The following PKHD1L1 variants were observed in gnomAD, a reference collection of about 807,000 sequenced individuals.
PKHD1L1 encodes the protein fibrocystin-L.
A neutral mutation model predicts 462.9 loss-of-function variants in PKHD1L1; 434 were observed. The observed-to-expected ratio is 0.94, with a 90% CI of 0.87 to 1.02. The LOEUF is 1.02. Among genes scored for constraint, PKHD1L1 ranks in the 50% least tolerant of loss-of-function variants. PKHD1L1 has a pLI of 0.00. For missense variants in PKHD1L1, 5,202 were observed against 5,096.1 expected (o/e 1.02, Z -0.63); for synonymous variants, 1,781 against 1,750.0 (o/e 1.02, Z -0.44).
Position 109,470,482 on chromosome 8 carries a change from G to A in PKHD1L1, c.8605+3713G>A, listed in dbSNP as rs537256078. On this transcript the variant is annotated intron_variant, in intron 50 of 77. Coordinates refer to ENST00000378402, the MANE Select transcript of PKHD1L1 (RefSeq NM_177531.6). ...GGTTAAAGCCCAGATAGCGCTAGAGGAAGCATCACAGCAACTGGCTGGAAA... is the reference window on the plus strand; with the variant it reads ...GGTTAAAGCCCAGATAGCGCTAGAGAAAGCATCACAGCAACTGGCTGGAAA... The A allele has an allele frequency of 1.8e-4, 291 of 1,609,552 alleles. No individual in the cohort carries two copies. In the Middle Eastern group the frequency reaches 2.0e-3, roughly 11 times the overall value.
rs770896466 is a variant in PKHD1L1 at position 109,475,121 on chromosome 8, C to G, written c.8609C>G (p.Thr2870Arg). ...KDVVLSDSFG[T>R]SIIPFQKKRL... ...CTTGTTCTATGTTCTCCTATAGGCA[C>G]AAGCATTATTCCATTTCAGAAGAAA... Residue 2870 changes from threonine (T) to arginine (R), a missense_variant, in exon 51 of 78, where the codon ACA becomes AGA. By Grantham distance (71) the Thr-to-Arg change is moderately conservative. Around this residue, in one of 3 missense-constraint regions of PKHD1L1, gnomAD observed 4,497 missense variants for 4,336.8 expected, o/e 1.04. Transcript: ENST00000378402. 5 of 1,607,074 alleles carry G rather than the reference C, an allele frequency of 3.1e-6. No homozygotes were observed. The highest frequency in any genetic ancestry group is 4.2e-6 in the Non-Finnish European group (5 of 1,177,244).
At chr8:109,470,769 T>C in intron 50 of PKHD1L1, 1 of 1,534,782 alleles carries the variant, frequency 6.5e-7, no homozygotes, top group Non-Finnish European at 8.9e-7. Context: ...GGGAGGACTG[T>C]TTTTTCATAA....
At chr8:109,434,914 C>A (rs1179677090) in intron 28 of PKHD1L1, among the ~76,000 whole-genome samples, 2 of 151,932 alleles carry the variant, frequency 1.3e-5, no homozygotes, top group South Asian at 2.1e-4. Context: ...TGACAATAGT[C>A]TGTTTTGGGT....
In PKHD1L1 at chr8:109,464,589, A is replaced by C. The variant is rs1206818371; in HGVS notation, c.7757A>C (p.Tyr2586Ser). The C allele has an allele frequency of 6.2e-7, 1 of 1,613,004 alleles. No homozygotes were observed. Residue 2586 changes from tyrosine (Y) to serine (S), a missense_variant, in exon 49 of 78, where the codon TAC becomes TCC. Tyr to Ser is a moderately radical substitution (Grantham distance 144, BLOSUM62 -2). Transcript: ENST00000378402. ...VAGGTHFGFW[Y>S]RMNNHPDGPS... ...GGTGGCACTCACTTTGGCTTTTGGT[A>C]CCGGATGAACAACCACCCTGATGGG... is the stretch of plus-strand genomic sequence containing the variant.
rs1821030846 is a variant in PKHD1L1, at chr8:109,531,086, C to T, written c.*996C>T. Among the ~76,000 whole-genome samples, 1 of 152,144 alleles carries T rather than the reference C, an allele frequency of 6.6e-6. No individual in the cohort carries two copies. The highest frequency in any genetic ancestry group is 2.4e-5 in the African/African-American group (1 of 41,428). On this transcript the variant is annotated 3_prime_UTR_variant, in exon 78 of 78. Transcript: ENST00000378402. ...GAACTCCTAATAAAGACATTGTAGCCAGATCCAGAGCCTTCCAGCAAGTGA... is the reference window on the plus strand; with the variant it reads ...GAACTCCTAATAAAGACATTGTAGCTAGATCCAGAGCCTTCCAGCAAGTGA...
intron 48 of PKHD1L1, among the ~76,000 whole-genome samples, chr8:109,462,390 T>C (rs1040359278): frequency 1.3e-5 from 2 of 152,226 alleles, no homozygotes; most frequent in South Asian, 4.1e-4. Context: ...GTCCATCCCA[T>C]AGGAATCATG....
intron 5 of PKHD1L1, among the ~76,000 whole-genome samples, chr8:109,385,019 TTC>T (rs1812363458): frequency 6.6e-6 from 1 of 151,992 alleles, no homozygotes; most frequent in East Asian, 1.9e-4. Context: ...TTAATGATTT[TTC>T]TGTCATCAGA....
intron 67 of PKHD1L1, among the ~76,000 whole-genome samples, chr8:109,502,911 T>A (rs556517155): frequency 5.1e-4 from 78 of 152,308 alleles, no homozygotes; most frequent in African/African-American, 1.7e-3. Context: ...CTTCCATATC[T>A]CTTGTCAGTT....
At chr8:109,456,128 A>T in intron 45 of PKHD1L1, 134 bp from the exon 46 acceptor site, 3 of 866,278 alleles carry the variant, frequency 3.5e-6, no homozygotes, top group Non-Finnish European at 5.1e-6. Context: ...CTTTTTGGAG[A>T]AATGTGTGAA....
In PKHD1L1 at chr8:109,466,808, A is replaced by G. The variant is rs373606048; in HGVS notation, c.8605+39A>G. On this transcript the variant is annotated intron_variant, in intron 50 of 77. Coordinates refer to ENST00000378402, the MANE Select transcript of PKHD1L1 (RefSeq NM_177531.6). ...ATTAGTTTAAACAACTAATTTAAAT[A>G]TATCTTCCTAAACTTTTGTCATCAT... is the stretch of plus-strand genomic sequence containing the variant. The G allele has an allele frequency of 2.3e-3, 3,476 of 1,516,598 alleles. 10 individuals carry two copies. Among genetic ancestry groups the G allele is most frequent in the Non-Finnish European group, 2.8e-3 (3,114 of 1,124,204 alleles). 93.9% of individuals were successfully genotyped at this position (1,516,598 alleles called of 1,614,324 possible). A position where few individuals can be genotyped will look rare whatever the true frequency, so the allele number is the denominator to read the frequency against.
chr8:109,362,464 C>G lies in PKHD1L1; in HGVS notation c.-117C>G. 9.6e-7 allele frequency: 1 copy of G among 1,042,250 alleles called. No individual in the cohort carries two copies. The highest frequency in any genetic ancestry group is 1.5e-5 in the South Asian group (1 of 68,752). 64.6% of individuals were successfully genotyped at this position (1,042,250 alleles called of 1,614,324 possible). On this transcript the variant is annotated 5_prime_UTR_variant, in exon 1 of 78. Transcript: ENST00000378402. ...CAGGCCACGGGAGGGCGGCCCAGTT[C>G]CCCAGCTCTCCCGGGACGAAGCGGG...
Position 109,442,198 on chromosome 8 carries a change from A to G in PKHD1L1, c.4393+3A>G. The G allele has an allele frequency of 6.2e-7, 1 of 1,603,676 alleles. No individual in the cohort carries two copies. Among genetic ancestry groups the G allele is most frequent in the Non-Finnish European group, 8.5e-7 (1 of 1,175,736 alleles). On this transcript the variant is annotated splice_donor_region_variant and intron_variant, in intron 35 of 77. Coordinates refer to ENST00000378402, the MANE Select transcript of PKHD1L1 (RefSeq NM_177531.6). ...TGGAAGACAAAAATCTACATCAGGT[A>G]TGTTTCTGCTTATTGGGTTTTGCAT...
intron 21 of PKHD1L1, among the ~76,000 whole-genome samples, chr8:109,416,070 G>T (rs984351244): frequency 6.6e-6 from 1 of 152,086 alleles, no homozygotes; most frequent in Non-Finnish European, 1.5e-5. Flanking sequence ...AAATACAGGT[G>T]TCAGTATCTC....
At chr8:109,363,208 G>A (rs1398009651) in intron 1 of PKHD1L1, among the ~76,000 whole-genome samples, 1 of 152,210 alleles carries the variant, frequency 6.6e-6, no homozygotes, top group African/African-American at 2.4e-5. Flanking sequence ...GATAACAGGA[G>A]GATGAACCTG....
chr8:109,421,344 T>A (rs911568906), intron 23 of PKHD1L1, among the ~76,000 whole-genome samples: 1 of 152,062 alleles, frequency 6.6e-6, no homozygotes, highest in African/African-American at 2.4e-5. Flanking sequence ...AAGTAAACAA[T>A]TTTATGATTA....
At chr8:109,476,293 G>A (rs184815777) in intron 51 of PKHD1L1, among the ~76,000 whole-genome samples, 104 of 150,944 alleles carry the variant, frequency 6.9e-4, no homozygotes, top group Non-Finnish European at 1.4e-3. Context: ...GAGAGAGAGA[G>A]AGATCCTTTC....
chr8:109,425,234 T>A lies in PKHD1L1; in HGVS notation c.2845+2T>A. 6.4e-7 allele frequency: 1 copy of A among 1,568,036 alleles called. No individual in the cohort carries two copies. Among genetic ancestry groups the A allele is most frequent in the African/African-American group, 1.4e-5 (1 of 72,294 alleles). ...AAGCTTATGGACATATTCTTAAAGG[T>A]ATATGAAAAAAATTTAAAATATTGG... On this transcript the variant is annotated splice_donor_variant, in intron 24 of 77. Transcript: ENST00000378402. LOFTEE classifies it high-confidence loss of function.
chr8:109,482,183 C>T (rs939214861), intron 56 of PKHD1L1, among the ~76,000 whole-genome samples: 10 of 151,772 alleles, frequency 6.6e-5, no homozygotes, highest in South Asian at 6.2e-4. Flanking sequence ...ATTTAGGAGA[C>T]GCATATAAGT....
At chr8:109,383,277 A>G (rs1185504296) in intron 4 of PKHD1L1, among the ~76,000 whole-genome samples, 1 of 107,798 alleles carries the variant, frequency 9.3e-6, no homozygotes, top group African/African-American at 3.8e-5. Flanking sequence ...AATATATAAT[A>G]GAATTATATA....
Sources: gnomAD v4.1 joint callset for allele counts (sites outside exome capture counted in the v4.1 genomes callset) on GRCh38, gnomAD v4.1.1 for gene constraint, gnomAD v4.1.1 regional missense constraint, MANE v1.5 for transcripts, NCBI Gene and HGNC (gene_info 2026-07-23, HGNC 2026-07-21) for gene names.